The following ITIH2 variants were observed in gnomAD, a reference collection of about 807,000 sequenced individuals.
The protein encoded by ITIH2 is inter-alpha-trypsin inhibitor heavy chain 2, also known as inter-alpha-trypsin inhibitor heavy chain H2.
A neutral mutation model predicts 104.4 loss-of-function variants in ITIH2; 103 were observed. The ratio of observed to expected loss-of-function variants is 0.99; its 90% CI spans 0.84 to 1.16. The LOEUF (loss-of-function observed/expected upper bound fraction) is 1.16. Among genes scored for constraint, ITIH2 ranks in the 50% most tolerant of loss-of-function variants. The pLI, the probability that ITIH2 is intolerant of heterozygous loss-of-function variation, is 0.00. For synonymous variants in ITIH2, 436 were observed against 435.4 expected, an observed-to-expected ratio of 1.00 and a Z score of -0.02; for missense variants, 1,108 against 1,162.4, an observed-to-expected ratio of 0.95 and a Z score of 0.68.
intron 15 of ITIH2, among the ~76,000 whole-genome samples, chr10:7,737,688 ATATTCTATATAATATTC>A (rs1835075699): frequency 2.9e-5 from 2 of 67,814 alleles, no homozygotes; most frequent in African/African-American, 2.0e-4. Context: ...TTTCTATATT[ATATTCTATATAATATTC>A]TATATTATAT....
At position 7,723,309 on chromosome 10, in the gene ITIH2, G is replaced by A. The variant is rs1199152961; in HGVS notation, c.868-142G>A. 4 of 689,930 alleles carry A rather than the reference G, an allele frequency of 5.8e-6. No homozygotes were observed. The African/African-American group carries it at 7.1e-5, about 12-fold the overall frequency. The allele number at this position is 689,930 out of a possible 1,614,324, so 42.7% of individuals were successfully genotyped here. A position where few individuals can be genotyped will look rare whatever the true frequency, so the allele number is the denominator to read the frequency against. On this transcript the variant is annotated intron_variant, in intron 8 of 20. Transcript: ENST00000358415. The stretch of plus-strand genomic sequence containing the variant: ...AGGAGAGGAGGTGGGGGAGCAGGCA[G>A]GAAAATGTGGAGGCAAATGCACATC...
chr10:7,721,583 A>C, intron 7 of ITIH2, 66 bp from the exon 8 acceptor site: 1 of 1,476,984 alleles, frequency 6.8e-7, no homozygotes, highest in Non-Finnish European at 9.3e-7. Context: ...TGTGCTGGAG[A>C]AGGGGCAGCG....
chr10:7,746,711 C>T lies in ITIH2; in HGVS notation c.2693+7C>T, dbSNP rs374178052. The T allele has an allele frequency of 2.1e-5, 33 of 1,582,530 alleles. No homozygotes were observed. In the Admixed American group the frequency reaches 4.5e-4, roughly 22 times the overall value. On this transcript the variant is annotated splice_region_variant and intron_variant, in intron 20 of 20. Coordinates refer to ENST00000358415, the MANE Select transcript of ITIH2 (RefSeq NM_002216.3). ...AGAAGCTGATCATCACCAGGTAGGCCTCGGGCGTAAGGACAGTGACGAAAA... is the reference window on the plus strand; with the variant it reads ...AGAAGCTGATCATCACCAGGTAGGCTTCGGGCGTAAGGACAGTGACGAAAA...
In ITIH2 at chr10:7,744,974, T is replaced by C; in HGVS notation, c.2581+11T>C. 6.2e-7 allele frequency: 1 copy of C among 1,611,466 alleles called. No individual in the cohort carries two copies. Among genetic ancestry groups the C allele is most frequent in the Non-Finnish European group, 8.5e-7 (1 of 1,178,002 alleles). On this transcript the variant is annotated intron_variant, in intron 19 of 20. Coordinates refer to ENST00000358415, the MANE Select transcript of ITIH2 (RefSeq NM_002216.3). ...CCCACGGACTAATAGGTAAAGTGTC[T>C]ATTGACCATCTGACAAGGGTGGGGC...
At position 7,705,262 on chromosome 10, in the gene ITIH2, T is replaced by C. The variant is rs1002457564; in HGVS notation, c.159+80T>C. 1.1e-5 allele frequency: 11 copies of C among 976,166 alleles called. No individual in the cohort carries two copies. In the African/African-American group the frequency reaches 1.8e-4, roughly 16 times the overall value. The allele number at this position is 976,166 out of a possible 1,614,324, so 60.5% of individuals were successfully genotyped here. A position where few individuals can be genotyped will look rare whatever the true frequency, so the allele number is the denominator to read the frequency against. On this transcript the variant is annotated intron_variant, in intron 2 of 20. Transcript: ENST00000358415. ...GAAGAAGACAAGTGTTAAGATGCCT[T>C]CTGCTAGATTTTCTTAAGAGTTTGT...
chr10:7,706,363 A>C (rs1028669579), intron 2 of ITIH2, among the ~76,000 whole-genome samples: 11 of 152,132 alleles, frequency 7.2e-5, no homozygotes, highest in Non-Finnish European at 1.5e-4. Flanking sequence ...CAAACATTAC[A>C]TGTTCACCCA....
intron 14 of ITIH2, among the ~76,000 whole-genome samples, chr10:7,733,145 C>T (rs558984120): frequency 2.0e-5 from 3 of 152,172 alleles, no homozygotes; most frequent in Non-Finnish European, 4.4e-5. Flanking sequence ...CCCCCCTCCT[C>T]CACTGTAACC....
Position 7,749,240 on chromosome 10 carries a change from G to C in ITIH2, c.2747G>C (p.Cys916Ser). ...CTAGTGTTTGGAACGGACGTTACCT[G>C]CTGGTTTGTGCACAACAGTGGAAAA... is the stretch of plus-strand genomic sequence containing the variant. ...TDLVFGTDVT[C>S]WFVHNSGKGF... Residue 916 changes from cysteine (C) to serine (S), a missense_variant, in exon 21 of 21, where the codon TGC becomes TCC. Transcript: ENST00000358415. 1.9e-6 allele frequency: 3 copies of C among 1,614,124 alleles called. No individual in the cohort carries two copies. Among genetic ancestry groups the C allele is most frequent in the Non-Finnish European group, 2.5e-6 (3 of 1,179,986 alleles).
intron 4 of ITIH2, among the ~76,000 whole-genome samples, chr10:7,712,588 T>G (rs1834806204): frequency 6.6e-6 from 1 of 152,082 alleles, no homozygotes; most frequent in South Asian, 2.1e-4. Context: ...ATCTAAAGGA[T>G]GAAATTCAAA....
Position 7,744,659 on chromosome 10 carries a change from C to T in ITIH2, c.2409-132C>T, listed in dbSNP as rs1835158359. ...TGTTAATCCATCATTTATCTATAAA[C>T]TGTTGCAAGCGCTTAGATAACTAGC... On this transcript the variant is annotated intron_variant, in intron 18 of 20. Coordinates refer to ENST00000358415, the MANE Select transcript of ITIH2 (RefSeq NM_002216.3). 1.5e-5 allele frequency: 11 copies of T among 717,652 alleles called. No homozygotes were observed. In the South Asian group the frequency reaches 2.1e-4, roughly 14 times the overall value. The allele number at this position is 717,652 out of a possible 1,614,324, so 44.5% of individuals were successfully genotyped here. A position where few individuals can be genotyped will look rare whatever the true frequency, so the allele number is the denominator to read the frequency against.
intron 5 of ITIH2, among the ~76,000 whole-genome samples, chr10:7,715,567 T>A (rs907112390): frequency 7.2e-5 from 11 of 152,278 alleles, no homozygotes; most frequent in African/African-American, 2.6e-4. Flanking sequence ...AGAGCTCCCA[T>A]CCTAGTGCAC....
chr10:7,731,736 A>G, intron 12 of ITIH2, 75 bp from the exon 13 acceptor site: 1 of 1,096,388 alleles, frequency 9.1e-7, no homozygotes, highest in Admixed American at 2.4e-5. Context: ...AAATAAATAA[A>G]TAAATAAAAT....
intron 15 of ITIH2, among the ~76,000 whole-genome samples, chr10:7,735,788 T>C (rs190881313): frequency 3.6e-3 from 548 of 151,896 alleles, no homozygotes; most frequent in South Asian, 0.021. Flanking sequence ...TTCTCCTGCT[T>C]CAGCCTCCCA....
intron 5 of ITIH2, among the ~76,000 whole-genome samples, chr10:7,717,001 G>A (rs1048754924): frequency 6.7e-6 from 1 of 149,982 alleles, no homozygotes; most frequent in African/African-American, 2.5e-5. Context: ...AGACTGGAGT[G>A]CAATGGCGTG....
At position 7,737,744 on chromosome 10, in the gene ITIH2, TATA is replaced by T. The variant is rs1345118207; in HGVS notation, c.1958-873_1958-871del. On this transcript the variant is annotated intron_variant, in intron 15 of 20. Coordinates refer to ENST00000358415, the MANE Select transcript of ITIH2 (RefSeq NM_002216.3). The stretch of plus-strand genomic sequence containing the variant: ...ATATAATATTCTATATTATATTCTA[TATA>T]ATATTCTATATTATATTCTATATAA... Among the ~76,000 whole-genome samples the T allele has an allele frequency of 2.1e-4, 5 of 24,298 alleles. 1 individual carries two copies. Among genetic ancestry groups the T allele is most frequent in the Admixed American group, 1.9e-3 (2 of 1,078 alleles). The allele number at this position is 24,298 out of a possible 152,430, so 15.9% of individuals were successfully genotyped here. A position where few individuals can be genotyped will look rare whatever the true frequency, so the allele number is the denominator to read the frequency against.
intron 1 of ITIH2, 45 bp from the exon 2 acceptor site, chr10:7,705,063 A>G (rs1834732946): frequency 1.6e-6 from 2 of 1,263,538 alleles, no homozygotes; most frequent in Middle Eastern, 1.9e-4. Context: ...CAGAACTTAC[A>G]GTATAATTAA....
intron 14 of ITIH2, among the ~76,000 whole-genome samples, chr10:7,733,586 A>T (rs546333118): frequency 6.6e-6 from 1 of 152,322 alleles, no homozygotes; most frequent in African/African-American, 2.4e-5. Context: ...TGATTATGTG[A>T]TTATGATGTT....
Position 7,709,068 on chromosome 10 carries a change from C to T in ITIH2, c.239C>T (p.Thr80Ile). 2 of 1,614,082 alleles carry T rather than the reference C, an allele frequency of 1.2e-6. No individual in the cohort carries two copies. The highest frequency in any genetic ancestry group is 2.2e-5 in the South Asian group (2 of 91,070). Residue 80 changes from threonine to isoleucine, a missense_variant, in exon 4 of 21, where the codon ACT becomes ATT. Transcript: ENST00000358415. ...CTTTATAGCTATAAAGTCCAGTCTACTATTACTTCTCGGATGGCCACCACC... is the reference window on the plus strand; with the variant it reads ...CTTTATAGCTATAAAGTCCAGTCTATTATTACTTCTCGGATGGCCACCACC... ...VTLYSYKVQSTITSRMATTMI... is the reference protein window; with the variant it reads ...VTLYSYKVQSIITSRMATTMI...
chr10:7,731,757 A>C, intron 12 of ITIH2, 54 bp from the exon 13 acceptor site: 1 of 1,194,338 alleles, frequency 8.4e-7, no homozygotes, highest in Non-Finnish European at 1.2e-6. Flanking sequence ...AAAATGCTTT[A>C]GATCTACAAA....
Sources: gnomAD v4.1 joint callset for allele counts (sites outside exome capture counted in the v4.1 genomes callset) on GRCh38, gnomAD v4.1.1 for gene constraint, MANE v1.5 for transcripts, NCBI Gene and HGNC (gene_info 2026-07-23, HGNC 2026-07-21) for gene names.